Variants in STXBP5L observed in about 807,000 individuals in gnomAD.
The protein encoded by STXBP5L is syntaxin binding protein 5L, also known as syntaxin-binding protein 5-like.
In STXBP5L, 65 loss-of-function variants were observed where a neutral mutation model predicts 144.5. That is an observed-to-expected ratio of 0.45 (90% CI 0.37 to 0.55). The LOEUF (loss-of-function observed/expected upper bound fraction) is 0.55, where lower values mean the gene tolerates loss of function less well. Among genes scored for constraint, STXBP5L ranks in the 20% least tolerant of loss-of-function variants. STXBP5L has a pLI of 0.00. For synonymous variants in STXBP5L, 505 were observed against 469.6 expected (o/e 1.08, Z -0.97); for missense variants, 1,298 against 1,405.5 (o/e 0.92, Z 1.22).
intron 15 of STXBP5L, among the ~76,000 whole-genome samples, chr3:121,252,010 T>C (rs1321811877): frequency 6.6e-6 from 1 of 152,178 alleles, no homozygotes; most frequent in Non-Finnish European, 1.5e-5. Context: ...ACAAAATTCA[T>C]TGCATAGTGA....
In STXBP5L at chr3:121,378,786, C is replaced by G. The variant is rs773920319; in HGVS notation, c.2247C>G (p.Ala749=). ...SCSSGKRLSS[A]DVSKVNRWGP... ...GTTCTGGAAAACGTCTTTCTAGTGC[C>G]GATGTTTCAAAAGTAAATCGCTGGG... The change falls in exon 21 of 27, where the codon GCC becomes GCG. Residue 749 remains alanine (A), a synonymous_variant. Coordinates refer to ENST00000471454, the MANE Select transcript of STXBP5L (RefSeq NM_001308330.2). 2 of 1,613,634 alleles carry G rather than the reference C, an allele frequency of 1.2e-6. No individual in the cohort carries two copies. The highest frequency in any genetic ancestry group is 1.7e-6 in the Non-Finnish European group (2 of 1,179,824).
At chr3:121,307,420 A>C (rs572225323) in intron 19 of STXBP5L, among the ~76,000 whole-genome samples, 1 of 152,312 alleles carries the variant, frequency 6.6e-6, no homozygotes, top group South Asian at 2.1e-4. Context: ...TAAAGAAGTA[A>C]AGGAAGCTAT....
chr3:121,094,542 C>T (rs2043009794), intron 5 of STXBP5L, among the ~76,000 whole-genome samples: 1 of 151,818 alleles, frequency 6.6e-6, no homozygotes, highest in Admixed American at 6.6e-5. Context: ...TTCTTTGTCC[C>T]TTTTGATCTT....
At chr3:121,261,326 G>T (rs538813265) in intron 18 of STXBP5L, among the ~76,000 whole-genome samples, 15 of 152,242 alleles carry the variant, frequency 9.9e-5, no homozygotes, top group African/African-American at 2.9e-4. Context: ...GTGGCTACTA[G>T]AGTAAATTCC....
chr3:120,909,698 G>A lies in STXBP5L; in HGVS notation c.120G>A (p.Ala40=). 1 of 1,610,590 alleles carries A rather than the reference G, an allele frequency of 6.2e-7. No individual in the cohort carries two copies. The highest frequency in any genetic ancestry group is 1.1e-5 in the South Asian group (1 of 90,288). ...CTGGAAGTGGTTCCGTACATCCGGC[G>A]GGGACTGCAGGGGTTCTCAGAGAGG... ...GGAGSGSVHP[A]GTAGVLREEI... The change falls in exon 2 of 27, where the codon GCG becomes GCA. Residue 40 remains alanine (A), a synonymous_variant. Transcript: ENST00000471454.
intron 20 of STXBP5L, among the ~76,000 whole-genome samples, chr3:121,348,168 T>C (rs183185368): frequency 1.3e-5 from 2 of 152,076 alleles, no homozygotes; most frequent in Admixed American, 1.3e-4. Flanking sequence ...TAACATGGTG[T>C]GTTGTTGAAT....
intron 9 of STXBP5L, among the ~76,000 whole-genome samples, chr3:121,204,832 G>A (rs1296333681): frequency 3.9e-5 from 6 of 152,122 alleles, no homozygotes; most frequent in Admixed American, 3.3e-4. Flanking sequence ...AGCATGTTAT[G>A]TGCAGAAGTA....
chr3:121,233,577 A>G (rs931168109), intron 11 of STXBP5L, 39 bp from the exon 12 acceptor site: 2 of 1,517,832 alleles, frequency 1.3e-6, no homozygotes, highest in African/African-American at 1.4e-5. Context: ...TATAGTATAT[A>G]CAATATGAAA....
intron 5 of STXBP5L, among the ~76,000 whole-genome samples, chr3:121,098,265 A>G (rs1371486882): frequency 6.6e-6 from 1 of 152,190 alleles, no homozygotes; most frequent in Non-Finnish European, 1.5e-5. Flanking sequence ...GGATGTCAGC[A>G]TCTGCTTCTG....
At chr3:120,957,475 G>C (rs542260557) in intron 3 of STXBP5L, among the ~76,000 whole-genome samples, 1 of 152,022 alleles carries the variant, frequency 6.6e-6, no homozygotes, top group Non-Finnish European at 1.5e-5. Context: ...TTTGCATCTA[G>C]GTTTATCGAG....
chr3:121,414,418 A>G (rs1238466482), intron 24 of STXBP5L, among the ~76,000 whole-genome samples: 1 of 152,210 alleles, frequency 6.6e-6, no homozygotes, highest in East Asian at 1.9e-4. Context: ...ACTTAAGGTT[A>G]AACTTTTACA....
At chr3:121,024,422 G>C (rs1476518073) in intron 3 of STXBP5L, among the ~76,000 whole-genome samples, 2 of 152,096 alleles carry the variant, frequency 1.3e-5, no homozygotes, top group African/African-American at 4.8e-5. Flanking sequence ...GGTTACTACT[G>C]AATGCCTCTG....
At chr3:121,040,414 A>G (rs1947065854) in intron 3 of STXBP5L, among the ~76,000 whole-genome samples, 1 of 152,106 alleles carries the variant, frequency 6.6e-6, no homozygotes, top group South Asian at 2.1e-4. Flanking sequence ...GTTGGTGGGA[A>G]CATGAAAAAT....
In STXBP5L at chr3:121,331,946, A is replaced by G. The variant is rs562343730; in HGVS notation, c.2176+13406A>G. 7.2e-5 allele frequency among the ~76,000 whole-genome samples: 11 copies of G among 152,104 alleles called. 1 individual carries two copies. In the South Asian group the frequency reaches 1.0e-3, roughly 14 times the overall value. Reference sequence around the variant, plus strand: ...ATTGCCACCACAACCAGCATCTGAGAAAGCCATCATACAAAGACTTTCTAT... The same window carrying G: ...ATTGCCACCACAACCAGCATCTGAGGAAGCCATCATACAAAGACTTTCTAT... On this transcript the variant is annotated intron_variant, in intron 20 of 26. Coordinates refer to ENST00000471454, the MANE Select transcript of STXBP5L (RefSeq NM_001308330.2).
At chr3:121,090,635 G>T (rs969243779) in intron 5 of STXBP5L, among the ~76,000 whole-genome samples, 1 of 152,060 alleles carries the variant, frequency 6.6e-6, no homozygotes, top group African/African-American at 2.4e-5. Context: ...ATACAGATCT[G>T]AATTGTCTAA....
chr3:121,033,776 T>C (rs1946553442), intron 3 of STXBP5L, among the ~76,000 whole-genome samples: 1 of 151,878 alleles, frequency 6.6e-6, no homozygotes, highest in Non-Finnish European at 1.5e-5. Context: ...TTATATAAAA[T>C]TATATACTTT....
intron 22 of STXBP5L, among the ~76,000 whole-genome samples, chr3:121,384,489 C>T (rs1002487538): frequency 5.9e-5 from 9 of 151,962 alleles, no homozygotes; most frequent in African/African-American, 1.9e-4. Context: ...CACTGGGAGA[C>T]CCTGTCTCTA....
At chr3:120,970,977 C>G (rs1940179702) in intron 3 of STXBP5L, among the ~76,000 whole-genome samples, 1 of 152,114 alleles carries the variant, frequency 6.6e-6, no homozygotes, top group African/African-American at 2.4e-5. Context: ...CTGGGGAACA[C>G]TTACAGTGAG....
chr3:121,009,819 A>C (rs968159673), intron 3 of STXBP5L, among the ~76,000 whole-genome samples: 1 of 151,862 alleles, frequency 6.6e-6, no homozygotes, highest in Non-Finnish European at 1.5e-5. Context: ...TAGTGTCTAC[A>C]AGGGCCTAGT....
Sources: allele counts gnomAD v4.1 joint callset (sites outside exome capture counted in the v4.1 genomes callset), GRCh38; gene constraint gnomAD v4.1.1; transcripts MANE v1.5; gene names NCBI Gene and HGNC (gene_info 2026-07-23, HGNC 2026-07-21).